The following PCCA variants were observed in gnomAD, a reference collection of about 807,000 sequenced individuals.
PCCA encodes the protein propionyl-CoA carboxylase alpha chain, mitochondrial.
PCCA carries 74 observed loss-of-function variants against 101.3 expected under a neutral mutation model. The observed-to-expected ratio is 0.73, with a 90% CI of 0.61 to 0.89. PCCA has a LOEUF of 0.89. PCCA is among the 40% of genes least tolerant of loss of function. The pLI is 0.00. For synonymous variants in PCCA, 294 were observed against 313.6 expected, an observed-to-expected ratio of 0.94 and a Z score of 0.66; for missense variants, 891 against 907.0, an observed-to-expected ratio of 0.98 and a Z score of 0.23.
chr13:100,395,835 C>A (rs2077019072), intron 19 of PCCA, among the ~76,000 whole-genome samples: 2 of 152,022 alleles, frequency 1.3e-5, no homozygotes, highest in Non-Finnish European at 2.9e-5. Context: ...GTTAGGGAGC[C>A]CTATTTCTAG....
At chr13:100,232,367 T>C (rs1359622429) in intron 7 of PCCA, among the ~76,000 whole-genome samples, 2 of 149,884 alleles carry the variant, frequency 1.3e-5, no homozygotes, top group Non-Finnish European at 3.0e-5. Context: ...TGTGTGTGTG[T>C]GTGTGTGTGT....
chr13:100,435,404 G>T (rs940696232), intron 20 of PCCA, among the ~76,000 whole-genome samples: 1 of 152,136 alleles, frequency 6.6e-6, no homozygotes, highest in Non-Finnish European at 1.5e-5. Flanking sequence ...GATTTGGAGC[G>T]GACACATCCA....
rs111678573 is a variant in PCCA at position 100,435,770 on chromosome 13, G to T, written c.1845+10039G>T. On this transcript the variant is annotated intron_variant, in intron 20 of 23. Transcript: ENST00000376285. Reference sequence around the variant, plus strand: ...AAAACAAAAGTATAGGCGGCCAGGTGTGGTGGCTCATGCCTGTAATCCCAG... The same window carrying T: ...AAAACAAAAGTATAGGCGGCCAGGTTTGGTGGCTCATGCCTGTAATCCCAG... Among the ~76,000 whole-genome samples, 1,393 of 152,276 alleles carry T rather than the reference G, an allele frequency of 9.1e-3. 18 individuals carry two copies. Among genetic ancestry groups the T allele is most frequent in the African/African-American group, 0.03 (1,262 of 41,560 alleles).
intron 4 of PCCA, among the ~76,000 whole-genome samples, chr13:100,136,624 T>C (rs2051208492): frequency 6.6e-6 from 1 of 152,232 alleles, no homozygotes; most frequent in South Asian, 2.1e-4. Context: ...GTGTGTTTTG[T>C]TAGCTTTGTG....
intron 21 of PCCA, among the ~76,000 whole-genome samples, chr13:100,476,218 T>C (rs748768700): frequency 6.6e-6 from 1 of 152,222 alleles, no homozygotes; most frequent in Non-Finnish European, 1.5e-5. Context: ...ATAGGAATGT[T>C]GTAAAATTTT....
intron 21 of PCCA, among the ~76,000 whole-genome samples, chr13:100,489,643 A>C (rs965912780): frequency 4.6e-5 from 7 of 152,274 alleles, no homozygotes; most frequent in African/African-American, 1.4e-4. Flanking sequence ...TTGTTAACTG[A>C]AAGTGACGGA....
intron 21 of PCCA, among the ~76,000 whole-genome samples, chr13:100,474,750 A>T (rs1006094864): frequency 5.9e-5 from 9 of 151,878 alleles, no homozygotes; most frequent in Non-Finnish European, 2.9e-5. Flanking sequence ...TGGCCTCCCA[A>T]AGTGCTAGGT....
intron 21 of PCCA, chr13:100,473,417 A>G (rs1307914800): frequency 6.6e-6 from 1 of 152,252 alleles, no homozygotes; most frequent in Non-Finnish European, 1.5e-5. Flanking sequence ...AGTGTCCCCA[A>G]ACTCTGGTTG....
intron 21 of PCCA, among the ~76,000 whole-genome samples, chr13:100,480,588 C>T (rs2083818326): frequency 6.6e-6 from 1 of 152,172 alleles, no homozygotes; most frequent in Non-Finnish European, 1.5e-5. Context: ...ACGTGACTTC[C>T]ATAGAACCTT....
At chr13:100,470,762 GGC>G (rs781411348) in intron 21 of PCCA, among the ~76,000 whole-genome samples, 50 of 152,244 alleles carry the variant, frequency 3.3e-4, no homozygotes, top group Non-Finnish European at 6.6e-4. Flanking sequence ...GGGAGGCTGA[GGC>G]GGGAGAATCG....
intron 5 of PCCA, among the ~76,000 whole-genome samples, chr13:100,155,842 A>C (rs1556801): frequency 0.7 from 106,402 of 152,136 alleles, 38,249 homozygotes; most frequent in African/African-American, 0.87. Flanking sequence ...TAGTAAGATG[A>C]ATGTTTAAAT....
chr13:100,440,192 AT>A lies in PCCA; in HGVS notation c.1846-9059del, dbSNP rs2080256786. On this transcript the variant is annotated intron_variant, in intron 20 of 23. Transcript: ENST00000376285. ...TATATATATATATATATATATATAT[AT>A]ATATATATATATATATAAAACGTGA... 3.3e-4 allele frequency among the ~76,000 whole-genome samples: 37 copies of A among 111,682 alleles called. No individual in the cohort carries two copies. In the South Asian group the frequency reaches 6.0e-3, roughly 18 times the overall value. 73.3% of individuals were successfully genotyped at this position (111,682 alleles called of 152,430 possible). A position where few individuals can be genotyped will look rare whatever the true frequency, so the allele number is the denominator to read the frequency against.
intron 18 of PCCA, among the ~76,000 whole-genome samples, chr13:100,348,772 CTTTCTTT>C (rs1566976289): frequency 1.1e-3 from 108 of 95,968 alleles, no homozygotes; most frequent in Middle Eastern, 5.0e-3. Context: ...TTCTTTCTTT[CTTTCTTT>C]CTTTCTTTCT....
intron 22 of PCCA, among the ~76,000 whole-genome samples, chr13:100,520,182 T>C (rs893245961): frequency 6.6e-5 from 10 of 152,340 alleles, no homozygotes; most frequent in African/African-American, 2.4e-4. Context: ...TTGTTCACCA[T>C]TTCCATATGT....
At chr13:100,439,186 A>G (rs748985046) in intron 20 of PCCA, among the ~76,000 whole-genome samples, 2 of 152,208 alleles carry the variant, frequency 1.3e-5, no homozygotes, top group African/African-American at 2.4e-5. Context: ...AAAACTCTAC[A>G]TAATGGTTTT....
At chr13:100,456,765 A>G (rs1030787164) in intron 21 of PCCA, among the ~76,000 whole-genome samples, 3 of 152,296 alleles carry the variant, frequency 2.0e-5, no homozygotes. Context: ...TACGAGCTTC[A>G]AAGAGGAACC....
intron 7 of PCCA, among the ~76,000 whole-genome samples, chr13:100,224,207 C>T (rs533622124): frequency 6.6e-6 from 1 of 152,356 alleles, no homozygotes; most frequent in East Asian, 1.9e-4. Flanking sequence ...GGGAAGGCAG[C>T]TAAGGCTGGG....
At chr13:100,449,170 T>G in intron 20 of PCCA, 82 bp from the exon 21 acceptor site, 3 of 759,206 alleles carry the variant, frequency 4.0e-6, no homozygotes, top group Non-Finnish European at 4.5e-6. Context: ...TTGATGGACA[T>G]TTGGGTTTTT....
intron 2 of PCCA, among the ~76,000 whole-genome samples, chr13:100,107,039 A>G (rs2047867343): frequency 6.6e-6 from 1 of 152,178 alleles, no homozygotes; most frequent in South Asian, 2.1e-4. Context: ...CATTCATTAA[A>G]TACTGACCTG....
Sources: gnomAD v4.1 joint callset for allele counts (sites outside exome capture counted in the v4.1 genomes callset) on GRCh38, gnomAD v4.1.1 for gene constraint, MANE v1.5 for transcripts, NCBI Gene and HGNC (gene_info 2026-07-23, HGNC 2026-07-21) for gene names.